EML6: variants seen among roughly 807,000 people sequenced by gnomAD.
EML6 encodes echinoderm microtubule-associated protein-like 6.
Under a neutral mutation model 240.1 loss-of-function variants are expected in EML6, and 154 were observed. The ratio of observed to expected loss-of-function variants is 0.64; its 90% CI spans 0.56 to 0.73. EML6 has a LOEUF of 0.73. EML6 is among the 30% of genes least tolerant of loss of function. EML6 has a pLI of 0.00. For synonymous variants in EML6, 1,148 were observed against 899.0 expected (o/e 1.28, Z -4.95); for missense variants, 2,964 against 2,474.6 (o/e 1.20, Z -4.20).
chr2:54,875,553 T>C (rs1157420849), intron 16 of EML6, among the ~76,000 whole-genome samples: 1 of 152,174 alleles, frequency 6.6e-6, no homozygotes, highest in East Asian at 1.9e-4. Context: ...AGGCAAACAA[T>C]GTGAAAACTA....
At chr2:54,761,212 C>T (rs560658156) in intron 2 of EML6, among the ~76,000 whole-genome samples, 26 of 152,122 alleles carry the variant, frequency 1.7e-4, no homozygotes, top group African/African-American at 6.3e-4. Flanking sequence ...ATAGTACTCC[C>T]AGTTTGTGGA....
intron 2 of EML6, among the ~76,000 whole-genome samples, chr2:54,800,245 C>G (rs988620549): frequency 1.3e-5 from 2 of 152,128 alleles, no homozygotes; most frequent in East Asian, 3.9e-4. Context: ...CATTTGATTT[C>G]TTATTTTGTT....
intron 30 of EML6, among the ~76,000 whole-genome samples, chr2:54,952,197 C>T (rs1676015786): frequency 6.6e-6 from 1 of 152,160 alleles, no homozygotes; most frequent in African/African-American, 2.4e-5. Context: ...ATCTCCAGGC[C>T]TCCACCCCTA....
intron 28 of EML6, among the ~76,000 whole-genome samples, chr2:54,933,961 G>A (rs2104415569): frequency 6.6e-6 from 1 of 152,258 alleles, no homozygotes; most frequent in East Asian, 1.9e-4. Flanking sequence ...GTGGTAAAGA[G>A]AGGACAGAAT....
intron 2 of EML6, among the ~76,000 whole-genome samples, chr2:54,740,605 A>T (rs1683587125): frequency 6.6e-6 from 1 of 152,098 alleles, no homozygotes; most frequent in African/African-American, 2.4e-5. Context: ...TTTTCTTCTT[A>T]CATCTGCTTT....
intron 17 of EML6, among the ~76,000 whole-genome samples, chr2:54,884,295 C>T (rs1405465072): frequency 1.3e-5 from 2 of 152,158 alleles, no homozygotes; most frequent in East Asian, 1.9e-4. Flanking sequence ...GCTTCCATGG[C>T]CTCCCTGGGT....
chr2:54,967,489 G>A (rs1676800644), intron 39 of EML6, among the ~76,000 whole-genome samples: 1 of 152,156 alleles, frequency 6.6e-6, no homozygotes, highest in African/African-American at 2.4e-5. Flanking sequence ...TAATTCATGG[G>A]AAAAGAGACC....
chr2:54,823,588 A>G (rs1668430622), intron 5 of EML6, among the ~76,000 whole-genome samples: 1 of 152,174 alleles, frequency 6.6e-6, no homozygotes, highest in South Asian at 2.1e-4. Context: ...TGATCAGACT[A>G]AAATATGAAA....
intron 2 of EML6, among the ~76,000 whole-genome samples, chr2:54,736,604 C>G (rs1368370757): frequency 6.6e-6 from 1 of 152,212 alleles, no homozygotes; most frequent in Non-Finnish European, 1.5e-5. Flanking sequence ...CTTCCGCCAG[C>G]CACTGGAGTT....
chr2:54,864,152 C>G (rs905676645), intron 13 of EML6, among the ~76,000 whole-genome samples: 1 of 152,100 alleles, frequency 6.6e-6, no homozygotes, highest in East Asian at 1.9e-4. Flanking sequence ...CTCCCTAGCA[C>G]CTAAAACTTT....
At chr2:54,879,502 T>C (rs1671705997) in intron 16 of EML6, 45 bp from the exon 17 acceptor site, 3 of 1,329,792 alleles carry the variant, frequency 2.3e-6, no homozygotes, top group Admixed American at 4.0e-5. Context: ...AAATGTTTTG[T>C]TTTTTCATGG....
chr2:54,787,039 C>A (rs1365805059), intron 2 of EML6, among the ~76,000 whole-genome samples: 1 of 152,086 alleles, frequency 6.6e-6, no homozygotes, highest in Non-Finnish European at 1.5e-5. Context: ...GACTTAGGTT[C>A]TTTTTGAAAG....
intron 16 of EML6, among the ~76,000 whole-genome samples, chr2:54,872,379 T>C (rs1671300691): frequency 6.6e-6 from 1 of 152,178 alleles, no homozygotes; most frequent in African/African-American, 2.4e-5. Context: ...GCTTAATAAG[T>C]ATAACGTGTA....
Position 54,826,751 on chromosome 2 carries a change from C to G in EML6, c.526-815C>G, listed in dbSNP as rs368673988. Among the ~76,000 whole-genome samples the G allele has an allele frequency of 4.2e-3, 635 of 152,230 alleles. 4 individuals carry two copies. The highest frequency in any genetic ancestry group is 6.9e-3 in the Non-Finnish European group (466 of 68,028). On this transcript the variant is annotated intron_variant, in intron 5 of 41. Transcript: ENST00000356458. Reference sequence around the variant, plus strand: ...ATTTTATGCAACTAAAACTGAAAAGCCGAGTCAATTATTTGGGTATATGGA... The same window carrying G: ...ATTTTATGCAACTAAAACTGAAAAGGCGAGTCAATTATTTGGGTATATGGA...
At chr2:54,934,620 G>C (rs1211883564) in intron 28 of EML6, among the ~76,000 whole-genome samples, 2 of 151,976 alleles carry the variant, frequency 1.3e-5, no homozygotes, top group African/African-American at 4.8e-5. Flanking sequence ...CATGATCCTG[G>C]CTCACTGCAG....
rs1672682558 is a variant in EML6, at chr2:54,894,947, G to A, written c.2775G>A (p.Val925=). 1.3e-6 allele frequency: 2 copies of A among 1,551,320 alleles called. No homozygotes were observed. Among genetic ancestry groups the A allele is most frequent in the Non-Finnish European group, 1.7e-6 (2 of 1,146,716 alleles). ...GFVTGGKDGI[V]ELWDDMFERC... ...TAACAGGTGGAAAGGACGGCATCGT[G>A]GAGCTCTGGGATGATATGTTTGAAA... Residue 925 remains valine, a synonymous_variant, in exon 20 of 42, where the codon GTG becomes GTA. Transcript: ENST00000356458.
intron 30 of EML6, among the ~76,000 whole-genome samples, chr2:54,952,228 C>T (rs7569471): frequency 0.48 from 73,003 of 151,970 alleles, 19,038 homozygotes; most frequent in East Asian, 0.62. Flanking sequence ...GATGTGGACA[C>T]TGAGAAGCAC....
intron 24 of EML6, among the ~76,000 whole-genome samples, chr2:54,904,024 A>G (rs1249628726): frequency 6.6e-6 from 1 of 152,348 alleles, no homozygotes; most frequent in African/African-American, 2.4e-5. Context: ...CACAAATGCC[A>G]TGAGGATTTG....
intron 2 of EML6, among the ~76,000 whole-genome samples, chr2:54,731,962 A>G (rs1457869671): frequency 2.6e-5 from 4 of 152,262 alleles, no homozygotes; most frequent in African/African-American, 9.6e-5. Context: ...CATCGTCAAG[A>G]TTTACTACTG....
Sources: gnomAD v4.1 joint callset for allele counts (sites outside exome capture counted in the v4.1 genomes callset) on GRCh38, gnomAD v4.1.1 for gene constraint, MANE v1.5 for transcripts, NCBI Gene and HGNC (gene_info 2026-07-23, HGNC 2026-07-21) for gene names.